NALCN: variants seen among roughly 807,000 people sequenced by gnomAD.
NALCN encodes the protein sodium leak channel NALCN.
In NALCN, 111 loss-of-function variants were observed where a neutral mutation model predicts 225.3. The ratio of observed to expected loss-of-function variants is 0.49; its 90% confidence interval spans 0.42 to 0.58. The LOEUF (loss-of-function observed/expected upper bound fraction) is 0.58. NALCN is among the 20% of genes least tolerant of loss of function. The pLI is 0.00. For missense variants in NALCN, 1,378 were observed against 2,202.4 expected, an observed-to-expected ratio of 0.63 and a Z score of 7.49; for synonymous variants, 764 against 769.0, an observed-to-expected ratio of 0.99 and a Z score of 0.11.
chr13:101,276,235 C>T (rs150620262), intron 10 of NALCN, among the ~76,000 whole-genome samples: 60 of 152,088 alleles, frequency 3.9e-4, no homozygotes, highest in African/African-American at 6.5e-4. Flanking sequence ...CTCGTTTTAA[C>T]GTGAGGATAA....
At chr13:101,155,167 G>T (rs934735855) in intron 15 of NALCN, among the ~76,000 whole-genome samples, 5 of 152,166 alleles carry the variant, frequency 3.3e-5, no homozygotes, top group African/African-American at 9.7e-5. Context: ...ATAGTACAGA[G>T]AGTTCCTGTA....
intron 13 of NALCN, among the ~76,000 whole-genome samples, chr13:101,192,564 T>C (rs974000014): frequency 3.3e-5 from 5 of 152,106 alleles, no homozygotes; most frequent in African/African-American, 1.2e-4. Context: ...TATTTCTAAG[T>C]GATATTGCCA....
chr13:101,237,821 T>C lies in NALCN; in HGVS notation c.1368A>G (p.Leu456=). 6.2e-7 allele frequency: 1 copy of C among 1,607,310 alleles called. No individual in the cohort carries two copies. Among genetic ancestry groups the C allele is most frequent in the Non-Finnish European group, 8.5e-7 (1 of 1,176,952 alleles). Residue 456 remains leucine (L), a synonymous_variant, in exon 12 of 44, where the codon CTA becomes CTG. Transcript: ENST00000251127. The part of the protein sequence containing the change: ...ISSSLHKFEL[L]LVIGTTLHVY... ...CATGAAGAGTAGTTCCAATTACGAG[T>C]AGTAGTTCGAATTTGTGGAGAGATG... is the stretch of plus-strand genomic sequence containing the variant.
chr13:101,108,148 T>A (rs1236169902), intron 20 of NALCN, among the ~76,000 whole-genome samples: 1 of 149,592 alleles, frequency 6.7e-6, no homozygotes, highest in Non-Finnish European at 1.5e-5. Context: ...ACATTAAATA[T>A]GTAATTTAAA....
chr13:101,061,368 T>C (rs1325703121), intron 41 of NALCN, among the ~76,000 whole-genome samples: 3 of 147,238 alleles, frequency 2.0e-5, no homozygotes, highest in African/African-American at 7.6e-5. Flanking sequence ...ATGGACATCA[T>C]ATTTTAATAT....
chr13:101,273,664 A>G (rs1016900226), intron 10 of NALCN, among the ~76,000 whole-genome samples: 8 of 152,114 alleles, frequency 5.3e-5, no homozygotes, highest in Admixed American at 5.2e-4. Flanking sequence ...TAAACAAGCA[A>G]TCTACAGTCA....
At chr13:101,123,933 C>T (rs74678208) in intron 18 of NALCN, among the ~76,000 whole-genome samples, 2 of 152,120 alleles carry the variant, frequency 1.3e-5, no homozygotes, top group Non-Finnish European at 2.9e-5. Flanking sequence ...ACTCGCCTTG[C>T]GAGCGATCCT....
In NALCN at chr13:101,179,807, A is replaced by G. The variant is rs192492306; in HGVS notation, c.1765-3433T>C. ...AACAACAGACATTTATTTGATCACA[A>G]TTCTGGAGGCCAGAGTCCAAAATTG... is the stretch of plus-strand genomic sequence containing the variant. On this transcript the variant is annotated intron_variant, in intron 14 of 43. Coordinates refer to ENST00000251127, the MANE Select transcript of NALCN (RefSeq NM_052867.4). Among the ~76,000 whole-genome samples the G allele has an allele frequency of 8.1e-4, 124 of 152,268 alleles. 1 individual carries two copies. Among genetic ancestry groups the G allele is most frequent in the African/African-American group, 2.7e-3 (112 of 41,552 alleles).
intron 14 of NALCN, chr13:101,181,466 G>T: frequency 2.6e-6 from 1 of 391,308 alleles, no homozygotes; most frequent in South Asian, 1.9e-5. Context: ...AACTGGCTCA[G>T]CTGGGCATGG....
At chr13:101,256,296 C>T (rs1465791403) in intron 11 of NALCN, among the ~76,000 whole-genome samples, 1 of 152,026 alleles carries the variant, frequency 6.6e-6, no homozygotes, top group African/African-American at 2.4e-5. Context: ...GATCCTTCAC[C>T]TTCACTCCTC....
intron 7 of NALCN, among the ~76,000 whole-genome samples, chr13:101,340,740 C>T (rs764826259): frequency 2.6e-4 from 40 of 152,144 alleles, no homozygotes; most frequent in Non-Finnish European, 5.0e-4. Context: ...GAGTCATGTG[C>T]CCCTAATAAT....
chr13:101,106,687 G>A (rs983680915), intron 22 of NALCN, among the ~76,000 whole-genome samples: 1 of 152,160 alleles, frequency 6.6e-6, no homozygotes, highest in Admixed American at 6.6e-5. Flanking sequence ...ATGATTTTAT[G>A]AGGGGTTTCT....
chr13:101,122,422 A>G (rs1266443233), intron 18 of NALCN, among the ~76,000 whole-genome samples: 4 of 152,164 alleles, frequency 2.6e-5, no homozygotes, highest in African/African-American at 7.2e-5. Context: ...GCAGTAAAAT[A>G]TTATTTATTG....
In NALCN at chr13:101,122,817, G is replaced by T. The variant is rs567177212; in HGVS notation, c.2192+1791C>A. Among the ~76,000 whole-genome samples, 6 of 152,264 alleles carry T rather than the reference G, an allele frequency of 3.9e-5. No individual in the cohort carries two copies. The South Asian group carries it at 1.2e-3, about 32-fold the overall frequency. On this transcript the variant is annotated intron_variant, in intron 18 of 43. Coordinates refer to ENST00000251127, the MANE Select transcript of NALCN (RefSeq NM_052867.4). ...AACCACATGCCCTTGTGACAATCAT[G>T]TTATTTCTAAGGCCTAATCTAAGGT...
chr13:101,053,839 T>A lies in NALCN; in HGVS notation c.*1456A>T, dbSNP rs1299002773. 6.6e-6 allele frequency: 1 copy of A among 152,132 alleles called. No individual in the cohort carries two copies. The highest frequency in any genetic ancestry group is 1.5e-5 in the Non-Finnish European group (1 of 68,032). 9.4% of individuals were successfully genotyped at this position (152,132 alleles called of 1,614,324 possible). A position where few individuals can be genotyped will look rare whatever the true frequency, so the allele number is the denominator to read the frequency against. On this transcript the variant is annotated 3_prime_UTR_variant, in exon 44 of 44. Transcript: ENST00000251127. Reference sequence around the variant, plus strand: ...ACAAAAAGTAAACTCCAAGTGAACATCAAATCAAATCTAATCCTTTTGGCC... The same window carrying A: ...ACAAAAAGTAAACTCCAAGTGAACAACAAATCAAATCTAATCCTTTTGGCC...
intron 27 of NALCN, among the ~76,000 whole-genome samples, chr13:101,099,711 C>G (rs1199466001): frequency 1.3e-5 from 2 of 152,240 alleles, no homozygotes; most frequent in East Asian, 3.9e-4. Context: ...TTCCAGCCCC[C>G]CTTGCAGTAT....
intron 7 of NALCN, among the ~76,000 whole-genome samples, chr13:101,331,039 C>G (rs1237030754): frequency 5.3e-5 from 8 of 152,164 alleles, no homozygotes; most frequent in Non-Finnish European, 8.8e-5. Context: ...TTAATATATT[C>G]TTTAAGCCAC....
Position 101,104,954 on chromosome 13 carries a change from T to TA in NALCN, c.2580-5dup. The TA allele has an allele frequency of 6.2e-7, 1 of 1,612,914 alleles. No homozygotes were observed. Among genetic ancestry groups the TA allele is most frequent in the East Asian group, 2.2e-5 (1 of 44,822 alleles). Reference sequence around the variant, plus strand: ...TGTGACAGGGTCTGTTTTAGATCTGTAAGAGAACACATATATAAAATTCTG... The same window carrying TA: ...TGTGACAGGGTCTGTTTTAGATCTGTAAAGAGAACACATATATAAAATTCTG... On this transcript the variant is annotated splice_region_variant and splice_polypyrimidine_tract_variant and intron_variant, in intron 22 of 43. Coordinates refer to ENST00000251127, the MANE Select transcript of NALCN (RefSeq NM_052867.4). The surrounding 1 kb of genome is among the most constrained non-coding windows in gnomAD (Gnocchi z 4.2).
chr13:101,273,224 GAAAACGGCT>G (rs1351311160), intron 10 of NALCN, among the ~76,000 whole-genome samples: 2 of 152,332 alleles, frequency 1.3e-5, no homozygotes, highest in East Asian at 3.9e-4. Context: ...GCAGCAGCGG[GAAAACGGCT>G]TGTCACAGCA....
Sources: gnomAD v4.1 joint callset for allele counts (sites outside exome capture counted in the v4.1 genomes callset) on GRCh38, gnomAD v4.1.1 for gene constraint, Gnocchi (gnomAD v3.1) non-coding constraint, MANE v1.5 for transcripts, NCBI Gene and HGNC (gene_info 2026-07-23, HGNC 2026-07-21) for gene names.